Variants in CSPG5 observed in about 807,000 individuals in gnomAD.
CSPG5 encodes chondroitin sulfate proteoglycan 5, also known as acidic leucine-rich EGF-like domain-containing brain protein.
In CSPG5, 25 loss-of-function variants were observed where a neutral mutation model predicts 39.8. That is an observed-to-expected ratio of 0.63 (90% CI 0.46 to 0.88). The LOEUF is 0.88. Ranked by LOEUF, CSPG5 falls within the 40% of genes least tolerant of loss-of-function variation. The pLI is 0.00. For synonymous variants in CSPG5, 295 were observed against 303.9 expected (o/e 0.97, Z 0.31); for missense variants, 627 against 702.2 (o/e 0.89, Z 1.21).
rs759318146 is a variant in CSPG5 at position 47,577,663 on chromosome 3, C to G, written c.363G>C (p.Gln121His). ...VTAEAGSGDA[Q>H]ALPATLQAPH... ...GAGCCTGGAGCGTAGCTGGAAGGGC[C>G]TGGGCATCGCCGCTGCCCGCCTCTG... Residue 121 changes from glutamine (Q) to histidine (H), a missense_variant, in exon 2 of 5, where the codon CAG becomes CAC. Physicochemically the swap from Gln to His is conservative, Grantham distance 24. Coordinates refer to ENST00000264723, the MANE Select transcript of CSPG5 (RefSeq NM_006574.4). This position sits in a 1 kb window ranked among gnomAD's most constrained non-coding sequence, Gnocchi z 4.7. The G allele has an allele frequency of 1.2e-6, 2 of 1,603,390 alleles. No homozygotes were observed. Among genetic ancestry groups the G allele is most frequent in the South Asian group, 1.1e-5 (1 of 89,738 alleles).
rs756877864 is a variant in CSPG5, at chr3:47,572,865, C to T, written c.1203G>A (p.Thr401=). ...ENIGAFCRCN[T]QDYIWHKGMR... Reference sequence around the variant, plus strand: ...TCCCCTTGTGCCAGATGTAGTCCTGCGTGTTGCACCTGCAGCAGCGACATT... The same window carrying T: ...TCCCCTTGTGCCAGATGTAGTCCTGTGTGTTGCACCTGCAGCAGCGACATT... Residue 401 remains threonine (T), a synonymous_variant, in exon 3 of 5, where the codon ACG becomes ACA. Coordinates refer to ENST00000264723, the MANE Select transcript of CSPG5 (RefSeq NM_006574.4). This position sits in a 1 kb window ranked among gnomAD's most constrained non-coding sequence, Gnocchi z 4.5. The T allele has an allele frequency of 5.0e-6, 8 of 1,604,190 alleles. No individual in the cohort carries two copies. The Admixed American group carries it at 6.8e-5, about 14-fold the overall frequency.
intron 4 of CSPG5, among the ~76,000 whole-genome samples, chr3:47,568,009 A>T (rs1313466734): frequency 6.6e-6 from 1 of 152,184 alleles, no homozygotes; most frequent in Non-Finnish European, 1.5e-5. Context: ...TGGCTGTTGT[A>T]GTAGACAGAG....
At position 47,577,602 on chromosome 3, in the gene CSPG5, C is replaced by CA; in HGVS notation, c.423dup (p.Ala142CysfsTer4). 6.2e-7 allele frequency: 1 copy of CA among 1,611,358 alleles called. No homozygotes were observed. Among genetic ancestry groups the CA allele is most frequent in the Non-Finnish European group, 8.5e-7 (1 of 1,179,606 alleles). ...CTGGCCTCTGTAGCCTCAGGAATGG[C>CA]AGGGGGCATGATTGACTGCCCGAGG... On this transcript the variant is annotated frameshift_variant, in exon 2 of 5. Coordinates refer to ENST00000264723, the MANE Select transcript of CSPG5 (RefSeq NM_006574.4). LOFTEE classifies it high-confidence loss of function. The surrounding 1 kb of genome is among the most constrained non-coding windows in gnomAD (Gnocchi z 4.7).
At position 47,577,995 on chromosome 3, in the gene CSPG5, C is replaced by T; in HGVS notation, c.98-67G>A. The T allele has an allele frequency of 7.3e-7, 1 of 1,362,370 alleles. No individual in the cohort carries two copies. The highest frequency in any genetic ancestry group is 9.4e-7 in the Non-Finnish European group (1 of 1,066,182). 84.4% of individuals were successfully genotyped at this position (1,362,370 alleles called of 1,614,324 possible). A position where few individuals can be genotyped will look rare whatever the true frequency, so the allele number is the denominator to read the frequency against. The stretch of plus-strand genomic sequence containing the variant: ...GCTGAGGAGCCCTGGAGCCCCGGCC[C>T]GCCCCGGTCAGGCCCGCTCGCCTAG... On this transcript the variant is annotated intron_variant, in intron 1 of 4. Transcript: ENST00000264723. This position sits in a 1 kb window ranked among gnomAD's most constrained non-coding sequence, Gnocchi z 4.7.
intron 3 of CSPG5, among the ~76,000 whole-genome samples, chr3:47,570,642 G>T (rs2031494516): frequency 6.6e-6 from 1 of 151,712 alleles, no homozygotes; most frequent in Non-Finnish European, 1.5e-5. Flanking sequence ...CGAGTAGCTG[G>T]GATTACAGGT....
At chr3:47,562,861 C>G in intron 4 of CSPG5, 100 bp from the exon 5 acceptor site, 1 of 1,267,998 alleles carries the variant, frequency 7.9e-7, no homozygotes, top group Non-Finnish European at 1.1e-6. Flanking sequence ...ATCACTGAAA[C>G]AAGGAAAAAG....
intron 3 of CSPG5, among the ~76,000 whole-genome samples, chr3:47,570,447 C>A (rs1312811683): frequency 6.6e-6 from 1 of 151,420 alleles, no homozygotes; most frequent in East Asian, 1.9e-4. Flanking sequence ...TTTGATGTAC[C>A]ATTAAGAAAA....
In CSPG5 at chr3:47,572,777, G is replaced by C. The variant is rs200209339; in HGVS notation, c.1291C>G (p.Leu431Val). The change falls in exon 3 of 5, where the codon CTC becomes GTC. Residue 431 changes from leucine (L) to valine (V), a missense_variant. Coordinates refer to ENST00000264723, the MANE Select transcript of CSPG5 (RefSeq NM_006574.4). The surrounding 1 kb of genome is among the most constrained non-coding windows in gnomAD (Gnocchi z 4.5). The stretch of plus-strand genomic sequence containing the variant: ...ATCATGAAGAGCAGGAGCAGGACGA[G>C]GGCAGCCGAGCCCACGGCCACGCAC... ...VMCVAVGSAA[L>V]VLLLLFMMTV... 5.0e-6 allele frequency: 8 copies of C among 1,614,112 alleles called. No homozygotes were observed. Among genetic ancestry groups the C allele is most frequent in the Non-Finnish European group, 6.8e-6 (8 of 1,180,052 alleles).
In CSPG5 at chr3:47,578,496, C is replaced by T. The variant is rs1052052111; in HGVS notation, c.97+101G>A. Reference sequence around the variant, plus strand: ...CCGCGGCCAGGCGGTGCCCCGCCCCCTTGCCACAGCTCACAGCTCCACCTG... The same window carrying T: ...CCGCGGCCAGGCGGTGCCCCGCCCCTTTGCCACAGCTCACAGCTCCACCTG... On this transcript the variant is annotated intron_variant, in intron 1 of 4. Transcript: ENST00000264723. The surrounding 1 kb of genome is among the most constrained non-coding windows in gnomAD (Gnocchi z 6.0). 4.1e-4 allele frequency: 132 copies of T among 325,696 alleles called. No homozygotes were observed. The highest frequency in any genetic ancestry group is 2.9e-4 in the Non-Finnish European group (57 of 198,984). The allele number at this position is 325,696 out of a possible 1,614,324, so 20.2% of individuals were successfully genotyped here. A position where few individuals can be genotyped will look rare whatever the true frequency, so the allele number is the denominator to read the frequency against.
chr3:47,577,088 G>C lies in CSPG5; in HGVS notation c.938C>G (p.Thr313Arg). The change falls in exon 2 of 5, where the codon ACA (threonine) becomes AGA (arginine). Residue 313 changes from threonine to arginine, a missense_variant. By Grantham distance (71) the Thr-to-Arg change is moderately conservative. Coordinates refer to ENST00000264723, the MANE Select transcript of CSPG5 (RefSeq NM_006574.4). This position sits in a 1 kb window ranked among gnomAD's most constrained non-coding sequence, Gnocchi z 4.7. Reference protein sequence around the residue: ...PTGKPGLGPGTGQPTSRWHAV... With the variant: ...PTGKPGLGPGRGQPTSRWHAV... ...ATGCCACCGACTGGTGGGCTGGCCT[G>C]TCCCGGGCCCCAGACCAGGCTTCCC... The C allele has an allele frequency of 6.2e-7, 1 of 1,613,800 alleles. No homozygotes were observed. Among genetic ancestry groups the C allele is most frequent in the Non-Finnish European group, 8.5e-7 (1 of 1,180,022 alleles).
rs777457180 is a variant in CSPG5, at chr3:47,577,744, C to T, written c.282G>A (p.Ala94=). Residue 94 remains alanine (A), a synonymous_variant, in exon 2 of 5, where the codon GCG becomes GCA. Transcript: ENST00000264723. The surrounding 1 kb of genome is among the most constrained non-coding windows in gnomAD (Gnocchi z 4.7). Reference sequence around the variant, plus strand: ...CTTCCAGCCAGGCGGTGCCGGTCACCGCAGCCGACTCCTGCAGCACCTCTT... The same window carrying T: ...CTTCCAGCCAGGCGGTGCCGGTCACTGCAGCCGACTCCTGCAGCACCTCTT... ...GPEEVLQESA[A]VTGTAWLEAD... The T allele has an allele frequency of 1.3e-5, 21 of 1,583,634 alleles. No homozygotes were observed. The highest frequency in any genetic ancestry group is 1.3e-5 in the African/African-American group (1 of 74,424).
chr3:47,572,989 G>C lies in CSPG5; in HGVS notation c.1194-115C>G, dbSNP rs568633058. 28 of 810,718 alleles carry C rather than the reference G, an allele frequency of 3.5e-5. No homozygotes were observed. The East Asian group carries it at 7.0e-4, about 20-fold the overall frequency. The allele number at this position is 810,718 out of a possible 1,614,324, so 50.2% of individuals were successfully genotyped here. A position where few individuals can be genotyped will look rare whatever the true frequency, so the allele number is the denominator to read the frequency against. ...CACAGCCTGTTCCGAAGGCCATCTA[G>C]AGGAACTGCAATGCTCCGAATCTGC... On this transcript the variant is annotated intron_variant, in intron 2 of 4. Coordinates refer to ENST00000264723, the MANE Select transcript of CSPG5 (RefSeq NM_006574.4). The surrounding 1 kb of genome is among the most constrained non-coding windows in gnomAD (Gnocchi z 4.5).
Position 47,578,154 on chromosome 3 carries a change from T to C in CSPG5, c.98-226A>G. On this transcript the variant is annotated intron_variant, in intron 1 of 4. Transcript: ENST00000264723. This position sits in a 1 kb window ranked among gnomAD's most constrained non-coding sequence, Gnocchi z 6.0. ...CACACCCCGCCCAACGCCTCGCGGC[T>C]CGGCCCCGCCCGACCTGCCCCGCCG... is the stretch of plus-strand genomic sequence containing the variant. The C allele has an allele frequency of 1.5e-6, 1 of 664,114 alleles. No homozygotes were observed. The highest frequency in any genetic ancestry group is 2.1e-6 in the Non-Finnish European group (1 of 472,566). 41.1% of individuals were successfully genotyped at this position (664,114 alleles called of 1,614,324 possible).
chr3:47,565,028 C>A (rs1393112580), intron 4 of CSPG5, among the ~76,000 whole-genome samples: 1 of 152,072 alleles, frequency 6.6e-6, no homozygotes, highest in East Asian at 1.9e-4. Context: ...TTATGTCTTT[C>A]AAGATAACCT....
chr3:47,566,315 C>T (rs1049353113), intron 4 of CSPG5, among the ~76,000 whole-genome samples: 7 of 152,260 alleles, frequency 4.6e-5, no homozygotes, highest in East Asian at 1.9e-4. Context: ...GGCTGGACTC[C>T]GGCGCCCCCT....
intron 2 of CSPG5, among the ~76,000 whole-genome samples, chr3:47,575,793 T>C (rs1435553601): frequency 2.0e-5 from 3 of 152,112 alleles, no homozygotes; most frequent in Non-Finnish European, 4.4e-5. Context: ...CATGGAGCGG[T>C]GTTCAACAGC....
At chr3:47,571,914 G>A (rs1019435112) in intron 3 of CSPG5, among the ~76,000 whole-genome samples, 1 of 152,198 alleles carries the variant, frequency 6.6e-6, no homozygotes, top group Non-Finnish European at 1.5e-5. Context: ...TTTTCTCATA[G>A]CGTATAAGGT....
rs1479153773 is a variant in CSPG5 at position 47,576,932 on chromosome 3, C to T, written c.1094G>A (p.Arg365Gln). 12 of 1,612,992 alleles carry T rather than the reference C, an allele frequency of 7.4e-6. No individual in the cohort carries two copies. The highest frequency in any genetic ancestry group is 3.3e-5 in the South Asian group (3 of 90,978). Residue 365 changes from arginine (R) to glutamine (Q), a missense_variant, in exon 2 of 5, where the codon CGG becomes CAG. By Grantham distance (43) the Arg-to-Gln change is conservative. Transcript: ENST00000264723. ...CACTGACCGGCAGGAGCCGTTATGC[C>T]GCACAAAGCCACTGCGGCACTCAGT... ...NGTECRSGFV[R>Q]HNGSCRSVCD...
chr3:47,562,735 G>A lies in CSPG5; in HGVS notation c.1485C>T (p.Ile495=), dbSNP rs752259042. ...TCAGGCAGGACTTGAGAACCTCCTG[G>A]ATTTTGTGGGGAGCACTAGGATCAT... ...PNDDPSAPHK[I]QEVLKSCLKE... The change falls in exon 5 of 5, where the codon ATC becomes ATT. Residue 495 remains isoleucine, a synonymous_variant. Coordinates refer to ENST00000264723, the MANE Select transcript of CSPG5 (RefSeq NM_006574.4). 21 of 1,612,316 alleles carry A rather than the reference G, an allele frequency of 1.3e-5. No homozygotes were observed. The highest frequency in any genetic ancestry group is 1.8e-5 in the Non-Finnish European group (21 of 1,179,366).
Sources: gnomAD v4.1 joint callset for allele counts (sites outside exome capture counted in the v4.1 genomes callset) on GRCh38, gnomAD v4.1.1 for gene constraint, Gnocchi (gnomAD v3.1) non-coding constraint, MANE v1.5 for transcripts, NCBI Gene and HGNC (gene_info 2026-07-23, HGNC 2026-07-21) for gene names.